The following PTPRG variants were observed in gnomAD, a reference collection of about 807,000 sequenced individuals.
The protein encoded by PTPRG is protein tyrosine phosphatase receptor type G.
In PTPRG, 102 loss-of-function variants were observed where a neutral mutation model predicts 165.3. That is an observed-to-expected ratio of 0.62 (90% CI 0.53 to 0.73). PTPRG has a LOEUF of 0.73. Among genes scored for constraint, PTPRG ranks in the 30% least tolerant of loss-of-function variants. PTPRG has a pLI of 0.00. For synonymous variants in PTPRG, 675 were observed against 669.5 expected (o/e 1.01, Z -0.13); for missense variants, 1,866 against 1,861.4 (o/e 1.00, Z -0.05).
Position 61,743,688 on chromosome 3 carries a change from TC to T in PTPRG, c.86-5186del, listed in dbSNP as rs376399013. On this transcript the variant is annotated intron_variant, in intron 1 of 29. Coordinates refer to ENST00000474889, the MANE Select transcript of PTPRG (RefSeq NM_002841.4). Reference sequence around the variant, plus strand: ...CTAAGCTTTTCACTGAAAAACGACTTCCCCTCCATAAACCATAGTGGGCTTG... The same window carrying T: ...CTAAGCTTTTCACTGAAAAACGACTTCCCTCCATAAACCATAGTGGGCTTG... Among the ~76,000 whole-genome samples, 514 of 152,280 alleles carry T rather than the reference TC, an allele frequency of 3.4e-3. 5 individuals carry two copies. Among genetic ancestry groups the T allele is most frequent in the African/African-American group, 0.011 (442 of 41,556 alleles).
At chr3:61,655,614 T>C (rs1298750065) in intron 1 of PTPRG, among the ~76,000 whole-genome samples, 1 of 152,142 alleles carries the variant, frequency 6.6e-6, no homozygotes, top group Non-Finnish European at 1.5e-5. Flanking sequence ...TGTATTTTTT[T>C]AGAAACAGGG....
intron 28 of PTPRG, among the ~76,000 whole-genome samples, chr3:62,289,803 A>G (rs1702812597): frequency 6.6e-6 from 1 of 150,896 alleles, no homozygotes; most frequent in Non-Finnish European, 1.5e-5. Context: ...TAAATTTAAT[A>G]TTAAAAACTT....
In PTPRG at chr3:61,599,499, G is replaced by GT. The variant is rs541518081; in HGVS notation, c.85+37130dup. ...ACATATCCTGCATTCTTTTTTCTTT[G>GT]TTTGTTAGTTTGAGACAGGGTCTAG... On this transcript the variant is annotated intron_variant, in intron 1 of 29. Transcript: ENST00000474889. Among the ~76,000 whole-genome samples, 11 of 151,934 alleles carry GT rather than the reference G, an allele frequency of 7.2e-5. No individual in the cohort carries two copies. The South Asian group carries it at 1.7e-3, about 23-fold the overall frequency.
intron 5 of PTPRG, among the ~76,000 whole-genome samples, chr3:62,124,764 C>T (rs1016585488): frequency 5.9e-5 from 9 of 152,184 alleles, no homozygotes; most frequent in African/African-American, 2.2e-4. Flanking sequence ...TGTTGTGTTG[C>T]CCAGGCTGGT....
intron 8 of PTPRG, among the ~76,000 whole-genome samples, chr3:62,171,432 T>C (rs28569161): frequency 0.01 from 1,589 of 152,336 alleles, 29 homozygotes; most frequent in African/African-American, 0.037. Context: ...ATAATTTACA[T>C]ACCATAATAT....
intron 2 of PTPRG, among the ~76,000 whole-genome samples, chr3:61,984,937 G>A (rs1467755873): frequency 6.6e-6 from 1 of 152,186 alleles, no homozygotes; most frequent in African/African-American, 2.4e-5. Flanking sequence ...TATTCCCCAT[G>A]ATTATACCAG....
At chr3:62,041,095 T>G (rs1430836099) in intron 4 of PTPRG, among the ~76,000 whole-genome samples, 1 of 152,242 alleles carries the variant, frequency 6.6e-6, no homozygotes, top group Non-Finnish European at 1.5e-5. Context: ...TAATACCTGA[T>G]GCTTGTGGTG....
At chr3:61,653,901 G>GT (rs1559541931) in intron 1 of PTPRG, among the ~76,000 whole-genome samples, 4 of 107,684 alleles carry the variant, frequency 3.7e-5, no homozygotes, top group African/African-American at 1.7e-4. Context: ...GGGAGCGGTG[G>GT]GGGGCGCGGG....
chr3:61,633,052 T>G (rs1378555138), intron 1 of PTPRG, among the ~76,000 whole-genome samples: 1 of 152,208 alleles, frequency 6.6e-6, no homozygotes, highest in Non-Finnish European at 1.5e-5. Flanking sequence ...TTTGGCGCAT[T>G]GTTAGAATGT....
chr3:61,960,824 C>T (rs2040135292), intron 2 of PTPRG, among the ~76,000 whole-genome samples: 2 of 152,020 alleles, frequency 1.3e-5, no homozygotes, highest in South Asian at 4.1e-4. Context: ...CCCTGTACTC[C>T]CCTGTAGCTC....
intron 5 of PTPRG, among the ~76,000 whole-genome samples, chr3:62,120,580 A>AT (rs1408978673): frequency 6.7e-6 from 1 of 150,246 alleles, no homozygotes; most frequent in Non-Finnish European, 1.5e-5. Context: ...GTTAAACCCC[A>AT]TCCCTACTAA....
chr3:62,180,581 T>C (rs59489322), intron 8 of PTPRG, among the ~76,000 whole-genome samples: 1,650 of 152,232 alleles, frequency 0.011, 19 homozygotes, highest in Middle Eastern at 0.048. Context: ...CACAGCATCA[T>C]AAAGTTGAAA....
At chr3:61,688,852 A>T (rs1262644170) in intron 1 of PTPRG, among the ~76,000 whole-genome samples, 1 of 152,102 alleles carries the variant, frequency 6.6e-6, no homozygotes, top group Admixed American at 6.5e-5. Context: ...AGAAGCTTAG[A>T]TAGGGCGGCT....
At chr3:61,774,748 C>T (rs1039646808) in intron 2 of PTPRG, among the ~76,000 whole-genome samples, 3 of 152,276 alleles carry the variant, frequency 2.0e-5, no homozygotes, top group Non-Finnish European at 2.9e-5. Context: ...GCTTGCCTAC[C>T]GGTGTCTCTG....
In PTPRG at chr3:62,254,400, A is replaced by G. The variant is rs1701488306; in HGVS notation, c.2468-724A>G. ...AAGTATCATGATAAATAAGCTTAAA[A>G]CATACTTTGGGCTTATGAACTGAAA... is the stretch of plus-strand genomic sequence containing the variant. On this transcript the variant is annotated intron_variant, in intron 15 of 29. Coordinates refer to ENST00000474889, the MANE Select transcript of PTPRG (RefSeq NM_002841.4). This position sits in a 1 kb window ranked among gnomAD's most constrained non-coding sequence, Gnocchi z 4.6. Among the ~76,000 whole-genome samples, 1 of 152,108 alleles carries G rather than the reference A, an allele frequency of 6.6e-6. No individual in the cohort carries two copies. Among genetic ancestry groups the G allele is most frequent in the Non-Finnish European group, 1.5e-5 (1 of 68,006 alleles).
chr3:61,662,352 G>T (rs1488621121), intron 1 of PTPRG, among the ~76,000 whole-genome samples: 1 of 152,180 alleles, frequency 6.6e-6, no homozygotes, highest in African/African-American at 2.4e-5. Flanking sequence ...CTGTGGAGGG[G>T]CCTGTGTTGT....
At chr3:61,862,616 A>C (rs756054270) in intron 2 of PTPRG, among the ~76,000 whole-genome samples, 7 of 151,926 alleles carry the variant, frequency 4.6e-5, no homozygotes, top group Non-Finnish European at 1.0e-4. Flanking sequence ...GATGGTCTTG[A>C]GCTCCCAACC....
At chr3:62,208,487 C>T (rs980828797) in intron 12 of PTPRG, among the ~76,000 whole-genome samples, 5 of 152,146 alleles carry the variant, frequency 3.3e-5, no homozygotes, top group Non-Finnish European at 7.3e-5. Context: ...TGTGAACACT[C>T]ATTGCTGAAG....
At chr3:61,671,670 G>A (rs1163803048) in intron 1 of PTPRG, among the ~76,000 whole-genome samples, 1 of 149,846 alleles carries the variant, frequency 6.7e-6, no homozygotes, top group Non-Finnish European at 1.5e-5. Flanking sequence ...CTCGCAGACG[G>A]GGTGGTGGCC....
Sources: allele counts gnomAD v4.1 joint callset (sites outside exome capture counted in the v4.1 genomes callset), GRCh38; gene constraint gnomAD v4.1.1; non-coding constraint Gnocchi (gnomAD v3.1); transcripts MANE v1.5; gene names NCBI Gene and HGNC (gene_info 2026-07-23, HGNC 2026-07-21).